The following RALYL variants were observed in gnomAD, a reference collection of about 807,000 sequenced individuals.
RALYL encodes RNA-binding Raly-like protein.
In RALYL, 29 loss-of-function variants were observed where a neutral mutation model predicts 35.1. The ratio of observed to expected loss-of-function variants is 0.83; its 90% CI spans 0.61 to 1.13. The LOEUF is 1.13. RALYL is among the 50% of genes most tolerant of loss of function. RALYL has a pLI of 0.00. For synonymous variants in RALYL, 120 were observed against 127.6 expected (o/e 0.94, Z 0.40); for missense variants, 359 against 360.4 (o/e 1.00, Z 0.03).
At chr8:84,245,658 G>A (rs1828930007) in intron 1 of RALYL, among the ~76,000 whole-genome samples, 1 of 152,098 alleles carries the variant, frequency 6.6e-6, no homozygotes, top group African/African-American at 2.4e-5. Context: ...GTTTTGGATA[G>A]CATATATTCA....
intron 8 of RALYL, among the ~76,000 whole-genome samples, chr8:84,900,978 G>T (rs189868124): frequency 1.3e-5 from 2 of 152,072 alleles, no homozygotes; most frequent in Non-Finnish European, 2.9e-5. Flanking sequence ...GAGGAAGGTG[G>T]GTCAGTGTAA....
intron 2 of RALYL, among the ~76,000 whole-genome samples, chr8:84,746,446 C>T (rs1808623277): frequency 1.3e-5 from 2 of 151,856 alleles, no homozygotes; most frequent in Admixed American, 1.3e-4. Flanking sequence ...ATTTTCTACC[C>T]TAGAAAGAGC....
intron 1 of RALYL, among the ~76,000 whole-genome samples, chr8:84,504,543 G>T (rs1404354709): frequency 6.6e-6 from 1 of 152,088 alleles, no homozygotes; most frequent in Non-Finnish European, 1.5e-5. Context: ...TATTAATTCT[G>T]CTGGCAAAAA....
chr8:84,403,263 G>C (rs1342765758), intron 1 of RALYL, among the ~76,000 whole-genome samples: 2 of 151,970 alleles, frequency 1.3e-5, no homozygotes, highest in African/African-American at 2.4e-5. Context: ...GTATTGCCTA[G>C]GTTTTCTTCT....
intron 1 of RALYL, among the ~76,000 whole-genome samples, chr8:84,342,837 C>A (rs1849109664): frequency 6.6e-6 from 1 of 152,020 alleles, no homozygotes; most frequent in African/African-American, 2.4e-5. Flanking sequence ...TGTCTGTAAT[C>A]ACTAAATATA....
At chr8:84,749,317 C>T (rs771625304) in intron 2 of RALYL, among the ~76,000 whole-genome samples, 2 of 141,514 alleles carry the variant, frequency 1.4e-5, no homozygotes, top group Non-Finnish European at 3.1e-5. Context: ...GATATATTTG[C>T]TTGTACCAAT....
At chr8:84,798,927 G>A (rs747099237) in intron 3 of RALYL, among the ~76,000 whole-genome samples, 6 of 152,170 alleles carry the variant, frequency 3.9e-5, no homozygotes, top group Non-Finnish European at 8.8e-5. Context: ...GCTGGAGCGT[G>A]GAGTCTGTAG....
At chr8:84,715,530 A>G (rs116067857) in intron 2 of RALYL, among the ~76,000 whole-genome samples, 43 of 152,132 alleles carry the variant, frequency 2.8e-4, no homozygotes, top group African/African-American at 1.0e-3. Flanking sequence ...ATCATATAGA[A>G]ACAGAAAAAA....
At chr8:84,797,512 C>T (rs1427051) in intron 3 of RALYL, among the ~76,000 whole-genome samples, 115,693 of 152,100 alleles carry the variant, frequency 0.76, 44,230 homozygotes, top group East Asian at 0.87. Context: ...TCGTTGTTTG[C>T]GGAAGTGTGG....
intron 4 of RALYL, among the ~76,000 whole-genome samples, chr8:84,824,465 T>C (rs1212257859): frequency 6.6e-6 from 1 of 151,884 alleles, no homozygotes; most frequent in African/African-American, 2.4e-5. Flanking sequence ...CCAGCACTAT[T>C]CCTGTCAAAC....
At chr8:84,372,835 C>T (rs1329066060) in intron 1 of RALYL, among the ~76,000 whole-genome samples, 1 of 147,330 alleles carries the variant, frequency 6.8e-6, no homozygotes, top group Non-Finnish European at 1.5e-5. Context: ...TTTACACTCC[C>T]ACCAACAGTG....
At chr8:84,907,769 C>G (rs1460641828) in intron 8 of RALYL, among the ~76,000 whole-genome samples, 4 of 151,972 alleles carry the variant, frequency 2.6e-5, no homozygotes, top group African/African-American at 9.7e-5. Context: ...ATCTTTTACA[C>G]TAAACTTTAG....
intron 2 of RALYL, among the ~76,000 whole-genome samples, chr8:84,741,708 A>C (rs1354989433): frequency 6.6e-6 from 1 of 152,074 alleles, no homozygotes; most frequent in East Asian, 1.9e-4. Context: ...ACATACATCC[A>C]AACCATGGAT....
At chr8:84,489,316 C>T (rs1270741220) in intron 1 of RALYL, among the ~76,000 whole-genome samples, 1 of 151,932 alleles carries the variant, frequency 6.6e-6, no homozygotes, top group Non-Finnish European at 1.5e-5. Flanking sequence ...GTTCAGAAAC[C>T]TGTGAGTTAT....
chr8:84,649,689 T>C lies in RALYL; in HGVS notation c.256+120112T>C, dbSNP rs200839978. Among the ~76,000 whole-genome samples the C allele has an allele frequency of 2.6e-5, 4 of 152,244 alleles. No individual in the cohort carries two copies. In the East Asian group the frequency reaches 7.7e-4, roughly 29 times the overall value. ...TGCTGTTTTGGTTCCTGTAGCCTTG[T>C]AGTATAGTTTGAAGTCAGGTAGTGT... On this transcript the variant is annotated intron_variant, in intron 2 of 8. Transcript: ENST00000521268.
At chr8:84,816,629 G>A (rs2134176800) in intron 4 of RALYL, among the ~76,000 whole-genome samples, 1 of 152,102 alleles carries the variant, frequency 6.6e-6, no homozygotes, top group Non-Finnish European at 1.5e-5. Context: ...TACATCACTG[G>A]GGCAGGGGCG....
chr8:84,530,491 A>G (rs2059206702), intron 2 of RALYL, among the ~76,000 whole-genome samples: 1 of 151,942 alleles, frequency 6.6e-6, no homozygotes, highest in Non-Finnish European at 1.5e-5. Context: ...CCAGTTTAAA[A>G]AAAAAAAAAA....
intron 2 of RALYL, among the ~76,000 whole-genome samples, chr8:84,601,526 A>G (rs1371564734): frequency 6.6e-6 from 1 of 152,040 alleles, no homozygotes; most frequent in Admixed American, 6.6e-5. Flanking sequence ...ATTAGGTCAG[A>G]TGAAGCTGGT....
intron 1 of RALYL, among the ~76,000 whole-genome samples, chr8:84,299,201 C>A (rs530405495): frequency 1.9e-4 from 29 of 151,564 alleles, no homozygotes; most frequent in African/African-American, 6.5e-4. Flanking sequence ...TTATTGAAAG[C>A]CTTTTCTGCA....
Sources: allele counts gnomAD v4.1 joint callset (sites outside exome capture counted in the v4.1 genomes callset), GRCh38; gene constraint gnomAD v4.1.1; transcripts MANE v1.5; gene names NCBI Gene and HGNC (gene_info 2026-07-23, HGNC 2026-07-21).